The following UBE2D4 variants were observed in gnomAD, a reference collection of about 807,000 sequenced individuals.
UBE2D4 encodes the protein ubiquitin-conjugating enzyme E2 D4.
In UBE2D4, 17 loss-of-function variants were observed where a neutral mutation model predicts 23.0. That is an observed-to-expected ratio of 0.74 (90% CI 0.51 to 1.11). The LOEUF is 1.11. Ranked by LOEUF, UBE2D4 falls within the 50% of genes least tolerant of loss-of-function variation. UBE2D4 has a pLI of 0.00. For missense variants in UBE2D4, 139 were observed against 181.8 expected, an observed-to-expected ratio of 0.76 and a Z score of 1.35; for synonymous variants, 61 against 69.4, an observed-to-expected ratio of 0.88 and a Z score of 0.60.
chr7:43,953,467 C>T lies in UBE2D4; in HGVS notation c.*772C>T. On this transcript the variant is annotated 3_prime_UTR_variant, in exon 7 of 7. Transcript: ENST00000222402. ...CTACCGCCCGCTCCTCCCATAGGAG[C>T]CTACACTAAGTCCAAGTGTGAGCCA... 1 of 316,606 alleles carries T rather than the reference C, an allele frequency of 3.2e-6. No individual in the cohort carries two copies. 19.6% of individuals were successfully genotyped at this position (316,606 alleles called of 1,614,324 possible).
chr7:43,939,570 C>T (rs139461998), intron 2 of UBE2D4, among the ~76,000 whole-genome samples: 176 of 152,288 alleles, frequency 1.2e-3, no homozygotes, highest in African/African-American at 4.1e-3. Context: ...AGAGTGGTGT[C>T]AGAGGTACAT....
intron 1 of UBE2D4, among the ~76,000 whole-genome samples, chr7:43,927,851 CCAAA>C (rs1351380564): frequency 6.6e-6 from 1 of 152,166 alleles, no homozygotes; most frequent in Non-Finnish European, 1.5e-5. Context: ...TTGCTGTATA[CCAAA>C]CACTCAATAC....
Position 43,926,662 on chromosome 7 carries a change from G to A in UBE2D4, c.24+106G>A, listed in dbSNP as rs1348263969. ...AGGTGACGGAGGCTCCGCGAGTCGC[G>A]GATACACCTGCCTGGGAAGGAGGCA... On this transcript the variant is annotated intron_variant, in intron 1 of 6. Transcript: ENST00000222402. 7.3e-6 allele frequency: 9 copies of A among 1,235,070 alleles called. No homozygotes were observed. In the Admixed American group the frequency reaches 1.5e-4, roughly 21 times the overall value. The allele number at this position is 1,235,070 out of a possible 1,614,324, so 76.5% of individuals were successfully genotyped here.
rs569798866 is a variant in UBE2D4 at position 43,935,510 on chromosome 7, T to G, written c.25-2921T>G. 2.4e-3 allele frequency among the ~76,000 whole-genome samples: 366 copies of G among 152,184 alleles called. 2 individuals are homozygous for G. Among genetic ancestry groups the G allele is most frequent in the Admixed American group, 3.5e-3 (53 of 15,258 alleles). ...TTTTTTTTTTGGAAAGCACTGTCAC[T>G]TTGGCCCTAAAGGAACATAAGCAAT... On this transcript the variant is annotated intron_variant, in intron 1 of 6. Transcript: ENST00000222402.
chr7:43,934,453 C>CTTTTTTTTTT (rs36122809), intron 1 of UBE2D4, among the ~76,000 whole-genome samples: 3 of 142,238 alleles, frequency 2.1e-5, no homozygotes, highest in Non-Finnish European at 4.6e-5. Flanking sequence ...CTTGTTTTTC[C>CTTTTTTTTTT]TTTTTTTTTT....
In UBE2D4 at chr7:43,953,277, C is replaced by T. The variant is rs369426930; in HGVS notation, c.*582C>T. The stretch of plus-strand genomic sequence containing the variant: ...CCACCAGTCTCCTCCTGCAGTGCCA[C>T]GTGGTGGCATTTCTCGCCTCACACC... On this transcript the variant is annotated 3_prime_UTR_variant, in exon 7 of 7. Transcript: ENST00000222402. 17 of 445,452 alleles carry T rather than the reference C, an allele frequency of 3.8e-5. No individual in the cohort carries two copies. Among genetic ancestry groups the T allele is most frequent in the East Asian group, 2.1e-4 (3 of 14,298 alleles). The allele number at this position is 445,452 out of a possible 1,614,324, so 27.6% of individuals were successfully genotyped here. A position where few individuals can be genotyped will look rare whatever the true frequency, so the allele number is the denominator to read the frequency against.
At position 43,953,293 on chromosome 7, in the gene UBE2D4, G is replaced by A. The variant is rs1276269667; in HGVS notation, c.*598G>A. ...GCAGTGCCACGTGGTGGCATTTCTCGCCTCACACCAAGAAGCAGCAAGTGG... is the reference window on the plus strand; with the variant it reads ...GCAGTGCCACGTGGTGGCATTTCTCACCTCACACCAAGAAGCAGCAAGTGG... On this transcript the variant is annotated 3_prime_UTR_variant, in exon 7 of 7. Coordinates refer to ENST00000222402, the MANE Select transcript of UBE2D4 (RefSeq NM_015983.4). 14 of 436,080 alleles carry A rather than the reference G, an allele frequency of 3.2e-5. No individual in the cohort carries two copies. The highest frequency in any genetic ancestry group is 5.5e-5 in the Non-Finnish European group (12 of 218,164). The allele number at this position is 436,080 out of a possible 1,614,324, so 27.0% of individuals were successfully genotyped here. A position where few individuals can be genotyped will look rare whatever the true frequency, so the allele number is the denominator to read the frequency against.
intron 1 of UBE2D4, among the ~76,000 whole-genome samples, chr7:43,929,429 A>C (rs960716823): frequency 3.3e-5 from 5 of 151,252 alleles, no homozygotes; most frequent in Non-Finnish European, 4.4e-5. Context: ...CTGTCTTAAA[A>C]AAAAAAAAAA....
At chr7:43,939,709 G>A (rs149668228) in intron 2 of UBE2D4, among the ~76,000 whole-genome samples, 1 of 152,250 alleles carries the variant, frequency 6.6e-6, no homozygotes, top group Non-Finnish European at 1.5e-5. Context: ...AACAAAATAT[G>A]GTTCTGATAC....
At chr7:43,948,813 A>G (rs754175591) in intron 5 of UBE2D4, 76 bp downstream of exon 5, 4 of 1,182,702 alleles carry the variant, frequency 3.4e-6, no homozygotes, top group Non-Finnish European at 5.0e-6. Context: ...GTGGAAATGG[A>G]AGCTCAGAGA....
chr7:43,946,463 C>T (rs1448084572), intron 4 of UBE2D4: 1 of 152,130 alleles, frequency 6.6e-6, no homozygotes, highest in African/African-American at 2.4e-5. Context: ...TCCTACTTGT[C>T]TTTTCATTTC....
chr7:43,933,397 CA>C (rs996024578), intron 1 of UBE2D4, among the ~76,000 whole-genome samples: 5 of 151,598 alleles, frequency 3.3e-5, no homozygotes, highest in Non-Finnish European at 2.9e-5. Flanking sequence ...TTTAGTTTCT[CA>C]AAAAAAAGTT....
At chr7:43,935,037 A>T (rs1003899140) in intron 1 of UBE2D4, among the ~76,000 whole-genome samples, 1 of 152,198 alleles carries the variant, frequency 6.6e-6, no homozygotes, top group Non-Finnish European at 1.5e-5. Context: ...CAGTGAGCTT[A>T]AATCACCTAT....
chr7:43,936,222 A>G (rs984318767), intron 1 of UBE2D4, among the ~76,000 whole-genome samples: 1 of 152,090 alleles, frequency 6.6e-6, no homozygotes, highest in Non-Finnish European at 1.5e-5. Context: ...CAAAGAAAGC[A>G]TTTGTGTTAG....
intron 4 of UBE2D4, among the ~76,000 whole-genome samples, chr7:43,945,362 A>T (rs1363920612): frequency 6.6e-6 from 1 of 152,160 alleles, no homozygotes; most frequent in East Asian, 1.9e-4. Context: ...TAACAAGGAG[A>T]GATGTGAGCT....
rs1047081462 is a variant in UBE2D4 at position 43,953,087 on chromosome 7, A to G, written c.*392A>G. On this transcript the variant is annotated 3_prime_UTR_variant, in exon 7 of 7. Coordinates refer to ENST00000222402, the MANE Select transcript of UBE2D4 (RefSeq NM_015983.4). Reference sequence around the variant, plus strand: ...GGGCCTCAGCCTGGCCCCTCACCACATACCCTTTGCCTTTTAGAACTCAGT... The same window carrying G: ...GGGCCTCAGCCTGGCCCCTCACCACGTACCCTTTGCCTTTTAGAACTCAGT... The G allele has an allele frequency of 1.8e-5, 8 of 456,808 alleles. No homozygotes were observed. In the Admixed American group the frequency reaches 1.9e-4, roughly 11 times the overall value. 28.3% of individuals were successfully genotyped at this position (456,808 alleles called of 1,614,324 possible).
chr7:43,933,466 C>T (rs563725792), intron 1 of UBE2D4, among the ~76,000 whole-genome samples: 4 of 152,154 alleles, frequency 2.6e-5, no homozygotes, highest in South Asian at 2.1e-4. Flanking sequence ...TGGGGCTGGG[C>T]GTGGTGGCTC....
In UBE2D4 at chr7:43,931,392, C is replaced by T. The variant is rs975160686; in HGVS notation, c.24+4836C>T. On this transcript the variant is annotated intron_variant, in intron 1 of 6. Transcript: ENST00000222402. ...GACAGAGGTGGAGGTTGCAGTGAGC[C>T]GATATCGTGCCACTGCACTCCAACC... is the stretch of plus-strand genomic sequence containing the variant. Among the ~76,000 whole-genome samples, 8 of 151,556 alleles carry T rather than the reference C, an allele frequency of 5.3e-5. No individual in the cohort carries two copies. In the East Asian group the frequency reaches 1.2e-3, roughly 22 times the overall value.
Position 43,950,608 on chromosome 7 carries a change from C to A in UBE2D4, c.314C>A (p.Ser105Tyr). Reference protein sequence around the residue: ...PALTVSKVLLSICSLLCDPNP... With the variant: ...PALTVSKVLLYICSLLCDPNP... ...TTTCTTTTCTTCCCAGTTCTCTTGTCCATCTGCTCGCTGCTCTGCGACCCC... is the reference window on the plus strand; with the variant it reads ...TTTCTTTTCTTCCCAGTTCTCTTGTACATCTGCTCGCTGCTCTGCGACCCC... Residue 105 changes from serine (S) to tyrosine (Y), a missense_variant, in exon 6 of 7, where the codon TCC becomes TAC. By Grantham distance (144) the Ser-to-Tyr change is moderately radical. Coordinates refer to ENST00000222402, the MANE Select transcript of UBE2D4 (RefSeq NM_015983.4). The A allele has an allele frequency of 6.2e-7, 1 of 1,614,144 alleles. No homozygotes were observed. Among genetic ancestry groups the A allele is most frequent in the Non-Finnish European group, 8.5e-7 (1 of 1,179,974 alleles).
Sources: gnomAD v4.1 joint callset for allele counts (sites outside exome capture counted in the v4.1 genomes callset) on GRCh38, gnomAD v4.1.1 for gene constraint, MANE v1.5 for transcripts, NCBI Gene and HGNC (gene_info 2026-07-23, HGNC 2026-07-21) for gene names.